The following TACC2 variants were observed in gnomAD, a reference collection of about 807,000 sequenced individuals.
The protein encoded by TACC2 is transforming acidic coiled-coil-containing protein 2.
TACC2 carries 137 observed loss-of-function variants against 227.3 expected under a neutral mutation model. That is an observed-to-expected ratio of 0.60 (90% confidence interval 0.52 to 0.69). The LOEUF is 0.69. Among genes scored for constraint, TACC2 ranks in the 30% least tolerant of loss-of-function variants. The probability of loss-of-function intolerance (pLI) is 0.00; values close to 1 mark genes in which losing one functional copy is unlikely to be tolerated. For missense variants in TACC2, 3,470 were observed against 3,694.4 expected (o/e 0.94, Z 1.57); for synonymous variants, 1,523 against 1,487.5 (o/e 1.02, Z -0.55).
In TACC2 at chr10:122,138,371, G is replaced by A. The variant is rs186337814; in HGVS notation, c.5700-5201G>A. 8.7e-3 allele frequency among the ~76,000 whole-genome samples: 1,321 copies of A among 152,216 alleles called. 13 individuals are homozygous for A. The highest frequency in any genetic ancestry group is 0.011 in the Non-Finnish European group (725 of 68,000). The stretch of plus-strand genomic sequence containing the variant: ...AAATATGTAAAAAAATTAGCTGGGC[G>A]TGGTGGCAGGCATCTGTAATCCCAG... On this transcript the variant is annotated intron_variant, in intron 6 of 22. Transcript: ENST00000369005.
intron 1 of TACC2, among the ~76,000 whole-genome samples, chr10:122,021,280 A>G (rs1426058518): frequency 2.0e-5 from 3 of 151,830 alleles, no homozygotes; most frequent in Non-Finnish European, 2.9e-5. Flanking sequence ...CATGTCACTA[A>G]GTGAGCTCAT....
At position 122,085,261 on chromosome 10, in the gene TACC2, A is replaced by T. The variant is rs772546309; in HGVS notation, c.2761A>T (p.Met921Leu). 6.2e-7 allele frequency: 1 copy of T among 1,613,986 alleles called. No individual in the cohort carries two copies. Among genetic ancestry groups the T allele is most frequent in the Non-Finnish European group, 8.5e-7 (1 of 1,180,004 alleles). The change falls in exon 4 of 23, where the codon ATG (methionine) becomes TTG (leucine). Residue 921 changes from methionine (M) to leucine (L), a missense_variant. This residue lies in a region of TACC2 where 1,924 missense variants were observed against 1,978.3 expected (regional missense o/e 0.97). Coordinates refer to ENST00000369005, the MANE Select transcript of TACC2 (RefSeq NM_206862.4). Reference protein sequence around the residue: ...SDTPTSSPTDMVWESSLTEES... With the variant: ...SDTPTSSPTDLVWESSLTEES... ...TACTCCAACTTCATCTCCCACTGAC[A>T]TGGTTTGGGAGAGTTCTCTGACAGA...
chr10:122,000,446 TGCTCG>T (rs1954158342), intron 1 of TACC2, among the ~76,000 whole-genome samples: 1 of 152,186 alleles, frequency 6.6e-6, no homozygotes, highest in African/African-American at 2.4e-5. Flanking sequence ...ACTGGCAGAT[TGCTCG>T]ATGCCTGCTT....
Position 122,087,265 on chromosome 10 carries a change from G to T in TACC2, c.4765G>T (p.Val1589Leu), listed in dbSNP as rs77475605. The part of the protein sequence containing the change: ...VAPHSHGEEA[V>L]AQDRIPSGKQ... ...TCCCCATAGCCATGGAGAAGAGGCCGTGGCCCAAGACAGAATTCCTTCTGG... is the reference window on the plus strand; with the variant it reads ...TCCCCATAGCCATGGAGAAGAGGCCTTGGCCCAAGACAGAATTCCTTCTGG... The change falls in exon 4 of 23, where the codon GTG becomes TTG. Residue 1589 changes from valine (V) to leucine (L), a missense_variant. Around this residue, in one of 10 missense-constraint regions of TACC2, gnomAD observed 1,924 missense variants for 1,978.3 expected, o/e 0.97. Coordinates refer to ENST00000369005, the MANE Select transcript of TACC2 (RefSeq NM_206862.4). 6.2e-7 allele frequency: 1 copy of T among 1,613,682 alleles called. No homozygotes were observed.
In TACC2 at chr10:122,086,348, C is replaced by T. The variant is rs771446927; in HGVS notation, c.3848C>T (p.Ser1283Phe). ...CCACTTGCCTTGGAAAATGCTGCCT[C>T]CTTGAAGCTGTTTGCTGGCTCCCTC... ...EPPLALENAA[S>F]LKLFAGSLAP... Residue 1283 changes from serine to phenylalanine, a missense_variant, in exon 4 of 23, where the codon TCC becomes TTC. Ser to Phe is a radical substitution (Grantham distance 155). Transcript: ENST00000369005. The T allele has an allele frequency of 6.2e-6, 10 of 1,613,654 alleles. No individual in the cohort carries two copies. In the Admixed American group the frequency reaches 1.7e-4, roughly 27 times the overall value.
chr10:122,121,815 A>G (rs930767668), intron 5 of TACC2, among the ~76,000 whole-genome samples: 4 of 152,082 alleles, frequency 2.6e-5, no homozygotes, highest in African/African-American at 9.7e-5. Flanking sequence ...GGTGGTCACG[A>G]TTCCCCTGCT....
intron 5 of TACC2, among the ~76,000 whole-genome samples, chr10:122,119,609 G>GT (rs1218446745): frequency 6.6e-6 from 1 of 152,168 alleles, no homozygotes; most frequent in Non-Finnish European, 1.5e-5. Flanking sequence ...GAGTTTATTT[G>GT]TCATCTTTTG....
rs760466652 is a variant in TACC2 at position 122,230,305 on chromosome 10, G to C, written c.8038-46G>C. The C allele has an allele frequency of 1.1e-5, 17 of 1,510,154 alleles. No homozygotes were observed. The African/African-American group carries it at 2.3e-4, about 21-fold the overall frequency. The allele number at this position is 1,510,154 out of a possible 1,614,324, so 93.5% of individuals were successfully genotyped here. A position where few individuals can be genotyped will look rare whatever the true frequency, so the allele number is the denominator to read the frequency against. ...TCGGATGTGGAAACCATTGACGTCT[G>C]TCTTGATGCATTTCCCTGCGGTTTG... On this transcript the variant is annotated intron_variant, in intron 15 of 22. Transcript: ENST00000369005.
At chr10:122,092,892 A>C (rs2080977903) in intron 5 of TACC2, among the ~76,000 whole-genome samples, 1 of 152,214 alleles carries the variant, frequency 6.6e-6, no homozygotes, top group Non-Finnish European at 1.5e-5. Context: ...TGTTAGTTTC[A>C]GGTTGTTCTG....
chr10:122,233,973 G>T (rs1465684208), intron 16 of TACC2, among the ~76,000 whole-genome samples: 2 of 152,190 alleles, frequency 1.3e-5, no homozygotes, highest in African/African-American at 4.8e-5. Flanking sequence ...CACATGACCT[G>T]GACACCCTCT....
At chr10:122,192,474 G>T in intron 7 of TACC2, 1 of 340,364 alleles carries the variant, frequency 2.9e-6, no homozygotes, top group Non-Finnish European at 5.9e-6. Flanking sequence ...GAAGCCAGGG[G>T]ATGGACGAGT....
At chr10:122,104,150 T>C (rs923715311) in intron 5 of TACC2, among the ~76,000 whole-genome samples, 2 of 152,198 alleles carry the variant, frequency 1.3e-5, no homozygotes, top group African/African-American at 4.8e-5. Flanking sequence ...ATATACTTCC[T>C]TATTAGAAGG....
At position 122,141,686 on chromosome 10, in the gene TACC2, C is replaced by A. The variant is rs77224786; in HGVS notation, c.5700-1886C>A. 6.6e-6 allele frequency among the ~76,000 whole-genome samples: 1 copy of A among 152,056 alleles called. No homozygotes were observed. Among genetic ancestry groups the A allele is most frequent in the African/African-American group, 2.4e-5 (1 of 41,398 alleles). On this transcript the variant is annotated intron_variant, in intron 6 of 22. Transcript: ENST00000369005. This position sits in a 1 kb window ranked among gnomAD's most constrained non-coding sequence, Gnocchi z 4.3. ...CACAGATCTAAGGTAGCATCTCCCC[C>A]CCACCCGCCACTGTTTTCTAAGACA...
chr10:122,148,583 G>A (rs11200433), intron 7 of TACC2, among the ~76,000 whole-genome samples: 73,506 of 152,162 alleles, frequency 0.48, 17,938 homozygotes, highest in Non-Finnish European at 0.54. Context: ...GTTTGGAGGG[G>A]AGCAGCGAGG....
chr10:122,149,128 A>G (rs1411598189), intron 7 of TACC2, among the ~76,000 whole-genome samples: 1 of 152,234 alleles, frequency 6.6e-6, no homozygotes, highest in African/African-American at 2.4e-5. Context: ...CACCTCACCA[A>G]GGCAGCCACA....
At chr10:122,145,435 G>A (rs1235406429) in intron 7 of TACC2, among the ~76,000 whole-genome samples, 1 of 152,170 alleles carries the variant, frequency 6.6e-6, no homozygotes, top group East Asian at 1.9e-4. Flanking sequence ...CATTCTACAT[G>A]ATTCAGTCTA....
intron 2 of TACC2, among the ~76,000 whole-genome samples, chr10:122,029,680 A>G (rs892165510): frequency 6.6e-6 from 1 of 152,062 alleles, no homozygotes; most frequent in African/African-American, 2.4e-5. Context: ...AGTAATTTCC[A>G]CTTAAAGGAA....
At chr10:122,147,264 C>T (rs1186811472) in intron 7 of TACC2, among the ~76,000 whole-genome samples, 1 of 152,154 alleles carries the variant, frequency 6.6e-6, no homozygotes, top group East Asian at 1.9e-4. Context: ...CCTGCCTCAA[C>T]CTCCTGAGTA....
intron 2 of TACC2, among the ~76,000 whole-genome samples, chr10:122,038,580 G>C (rs1396856501): frequency 3.9e-5 from 6 of 152,200 alleles, no homozygotes; most frequent in Admixed American, 6.5e-5. Flanking sequence ...AGGTGGGAAA[G>C]ACTTCCGTCG....
Sources: gnomAD v4.1 joint callset for allele counts (sites outside exome capture counted in the v4.1 genomes callset) on GRCh38, gnomAD v4.1.1 for gene constraint, gnomAD v4.1.1 regional missense constraint, Gnocchi (gnomAD v3.1) non-coding constraint, MANE v1.5 for transcripts, NCBI Gene and HGNC (gene_info 2026-07-23, HGNC 2026-07-21) for gene names.